Variants in MCTP2 observed in about 807,000 individuals in gnomAD.
MCTP2 encodes the protein multiple C2 and transmembrane domain-containing protein 2.
In MCTP2, 132 loss-of-function variants were observed where a neutral mutation model predicts 111.6. The ratio of observed to expected loss-of-function variants is 1.18; its 90% CI spans 1.03 to 1.37. The LOEUF is 1.37. Ranked by LOEUF, MCTP2 falls within the 40% of genes most tolerant of loss-of-function variation. The pLI is 0.00. For missense variants in MCTP2, 1,183 were observed against 1,067.9 expected (o/e 1.11, Z -1.50); for synonymous variants, 395 against 387.7 (o/e 1.02, Z -0.22).
rs2076304409 is a variant in MCTP2 at position 94,314,760 on chromosome 15, A to C, written c.528+416A>C. Reference sequence around the variant, plus strand: ...AAAGTTTGAAATGACTCAAAAATTTAATTGGGCTCATGTAATACATATTCA... The same window carrying C: ...AAAGTTTGAAATGACTCAAAAATTTCATTGGGCTCATGTAATACATATTCA... On this transcript the variant is annotated intron_variant, in intron 3 of 22. Coordinates refer to ENST00000357742, the MANE Select transcript of MCTP2 (RefSeq NM_001385001.1). The C allele has an allele frequency of 4.4e-6, 2 of 459,208 alleles. 1 individual carries two copies. The highest frequency in any genetic ancestry group is 4.0e-5 in the African/African-American group (2 of 50,226). The allele number at this position is 459,208 out of a possible 1,614,324, so 28.4% of individuals were successfully genotyped here. A position where few individuals can be genotyped will look rare whatever the true frequency, so the allele number is the denominator to read the frequency against.
At chr15:94,437,052 A>G (rs1172737769) in intron 17 of MCTP2, among the ~76,000 whole-genome samples, 1 of 151,690 alleles carries the variant, frequency 6.6e-6, no homozygotes, top group Non-Finnish European at 1.5e-5. Context: ...AAAACTTTAA[A>G]TAAAGGAAAG....
intron 20 of MCTP2, among the ~76,000 whole-genome samples, chr15:94,460,167 G>A (rs1476869231): frequency 6.6e-6 from 1 of 152,186 alleles, no homozygotes; most frequent in African/African-American, 2.4e-5. Context: ...AGGTAAGAGA[G>A]AATTCTGGGA....
chr15:94,378,368 A>G (rs2079898491), intron 12 of MCTP2, among the ~76,000 whole-genome samples: 1 of 151,984 alleles, frequency 6.6e-6, no homozygotes, highest in Non-Finnish European at 1.5e-5. Context: ...CCAAAAAAAA[A>G]AAAATTAACC....
intron 1 of MCTP2, among the ~76,000 whole-genome samples, chr15:94,248,901 A>G (rs2072208611): frequency 1.3e-5 from 2 of 152,194 alleles, no homozygotes; most frequent in African/African-American, 4.8e-5. Flanking sequence ...TCAATATGGA[A>G]CAGTATGCTT....
chr15:94,320,908 T>C (rs1332105458), intron 4 of MCTP2, among the ~76,000 whole-genome samples: 2 of 152,220 alleles, frequency 1.3e-5, no homozygotes, highest in African/African-American at 4.8e-5. Context: ...GGATTTGGTC[T>C]ACTACTTGGC....
Position 94,339,434 on chromosome 15 carries a change from TA to T in MCTP2, c.780+4del. ...CTTGATCAAAAGCTACGTGTGAAGG[TA>T]ATCACAGATAGCTTTCAAATCTGCT... On this transcript the variant is annotated splice_donor_region_variant and intron_variant, in intron 5 of 22. Transcript: ENST00000357742. 1 of 1,583,328 alleles carries T rather than the reference TA, an allele frequency of 6.3e-7. No individual in the cohort carries two copies. The highest frequency in any genetic ancestry group is 8.6e-7 in the Non-Finnish European group (1 of 1,166,876).
intron 10 of MCTP2, among the ~76,000 whole-genome samples, chr15:94,365,475 T>G (rs1476527184): frequency 6.6e-6 from 1 of 152,204 alleles, no homozygotes; most frequent in African/African-American, 2.4e-5. Flanking sequence ...AATATTTACT[T>G]TGCATTTCAT....
At chr15:94,464,262 TA>T (rs1166407433) in intron 20 of MCTP2, among the ~76,000 whole-genome samples, 4 of 25,804 alleles carry the variant, frequency 1.6e-4, no homozygotes, top group East Asian at 1.4e-3. Context: ...ATATATTATA[TA>T]TATATATATA....
chr15:94,406,012 A>C (rs2081878973), intron 17 of MCTP2, among the ~76,000 whole-genome samples: 1 of 152,208 alleles, frequency 6.6e-6, no homozygotes, highest in Non-Finnish European at 1.5e-5. Flanking sequence ...AAGTAAGTGC[A>C]CCTGTATATT....
At chr15:94,390,074 A>ATATATATACATG (rs2080813993) in intron 14 of MCTP2, among the ~76,000 whole-genome samples, 2 of 25,854 alleles carry the variant, frequency 7.7e-5, no homozygotes, top group African/African-American at 2.5e-4. Flanking sequence ...ATATATATAT[A>ATATATATACATG]TATATATATA....
intron 1 of MCTP2, among the ~76,000 whole-genome samples, chr15:94,245,726 A>ATC: frequency 6.8e-6 from 1 of 147,898 alleles, no homozygotes; most frequent in East Asian, 2.0e-4. Context: ...GTATATATAT[A>ATC]TATATATATC....
chr15:94,362,350 C>T lies in MCTP2; in HGVS notation c.1301+3738C>T, dbSNP rs570351346. Among the ~76,000 whole-genome samples the T allele has an allele frequency of 5.3e-5, 8 of 152,220 alleles. No homozygotes were observed. In the East Asian group the frequency reaches 1.5e-3, roughly 29 times the overall value. On this transcript the variant is annotated intron_variant, in intron 10 of 22. Transcript: ENST00000357742. ...GTATATTTTATATTTCAAGGGGATTCTACAGATTAACTCATTATAGAATTT... is the reference window on the plus strand; with the variant it reads ...GTATATTTTATATTTCAAGGGGATTTTACAGATTAACTCATTATAGAATTT...
chr15:94,473,356 C>T (rs1453692664), intron 21 of MCTP2, among the ~76,000 whole-genome samples: 1 of 152,154 alleles, frequency 6.6e-6, no homozygotes, highest in Non-Finnish European at 1.5e-5. Context: ...AATACCTGTG[C>T]TCTATATAGA....
At chr15:94,416,562 T>C (rs543193765) in intron 17 of MCTP2, among the ~76,000 whole-genome samples, 1 of 152,278 alleles carries the variant, frequency 6.6e-6, no homozygotes, top group Non-Finnish European at 1.5e-5. Flanking sequence ...TTCATCTGTA[T>C]ATAAAAATTA....
chr15:94,261,026 C>A (rs2152281926), intron 1 of MCTP2, among the ~76,000 whole-genome samples: 1 of 152,250 alleles, frequency 6.6e-6, no homozygotes, highest in African/African-American at 2.4e-5. Flanking sequence ...TGACCGAGAC[C>A]CTCCTTTCTA....
At chr15:94,258,605 G>A (rs533846299) in intron 1 of MCTP2, among the ~76,000 whole-genome samples, 26 of 152,272 alleles carry the variant, frequency 1.7e-4, no homozygotes, top group African/African-American at 5.8e-4. Context: ...GACAATGGTA[G>A]TTACCGAAAA....
chr15:94,432,158 A>G (rs1234563694), intron 17 of MCTP2, among the ~76,000 whole-genome samples: 1 of 152,122 alleles, frequency 6.6e-6, no homozygotes, highest in African/African-American at 2.4e-5. Flanking sequence ...GTTTTAACCC[A>G]GGAGTTTAGT....
chr15:94,327,552 G>T (rs140628115), intron 4 of MCTP2, among the ~76,000 whole-genome samples: 2 of 152,170 alleles, frequency 1.3e-5, no homozygotes, highest in Non-Finnish European at 2.9e-5. Flanking sequence ...ACACCAGATG[G>T]CATGAGATCA....
chr15:94,426,200 C>T (rs1484695128), intron 17 of MCTP2, among the ~76,000 whole-genome samples: 2 of 150,802 alleles, frequency 1.3e-5, no homozygotes, highest in African/African-American at 4.9e-5. Context: ...CTCTAGTCAT[C>T]CTATTTGGCA....
Sources: allele counts gnomAD v4.1 joint callset (sites outside exome capture counted in the v4.1 genomes callset), GRCh38; gene constraint gnomAD v4.1.1; transcripts MANE v1.5; gene names NCBI Gene and HGNC (gene_info 2026-07-23, HGNC 2026-07-21).